Variants in RAP1A observed in about 807,000 individuals in gnomAD.
RAP1A encodes ras-related protein Rap-1A.
In RAP1A, 6 loss-of-function variants were observed where a neutral mutation model predicts 26.4. The ratio of observed to expected loss-of-function variants is 0.23; its 90% confidence interval spans 0.12 to 0.45. The LOEUF (loss-of-function observed/expected upper bound fraction) is 0.45, where lower values mean the gene tolerates loss of function less well. Among genes scored for constraint, RAP1A ranks in the 20% least tolerant of loss-of-function variants. The pLI is 0.99. For synonymous variants in RAP1A, 73 were observed against 79.4 expected, an observed-to-expected ratio of 0.92 and a Z score of 0.43; for missense variants, 121 against 217.2, an observed-to-expected ratio of 0.56 and a Z score of 2.78.
At chr1:111,623,589 TTAGTA>T (rs1659290915) in intron 1 of RAP1A, among the ~76,000 whole-genome samples, 1 of 152,108 alleles carries the variant, frequency 6.6e-6, no homozygotes, top group Non-Finnish European at 1.5e-5. Flanking sequence ...GTATTTTTTT[TTAGTA>T]GAGAGAGAGT....
chr1:111,650,037 T>G (rs1251142975), intron 1 of RAP1A, among the ~76,000 whole-genome samples: 1 of 151,956 alleles, frequency 6.6e-6, no homozygotes, highest in East Asian at 1.9e-4. Flanking sequence ...AACTTGGTTT[T>G]GATTTAGAAT....
At position 111,716,655 on chromosome 1, in the gene RAP1A, C is replaced by T. The variant is rs1662548997; in HGVS notation, c.*4254C>T. On this transcript the variant is annotated 3_prime_UTR_variant, in exon 8 of 8. Coordinates refer to ENST00000369709, the MANE Select transcript of RAP1A (RefSeq NM_002884.4). ...AAGAAGCAAGAGATTGGCTGTTCCT[C>T]TTGAGGAAAAACCTTAATAAACCTT... 6.6e-6 allele frequency: 1 copy of T among 152,230 alleles called. No individual in the cohort carries two copies. Among genetic ancestry groups the T allele is most frequent in the African/African-American group, 2.4e-5 (1 of 41,460 alleles). 9.4% of individuals were successfully genotyped at this position (152,230 alleles called of 1,614,324 possible). A position where few individuals can be genotyped will look rare whatever the true frequency, so the allele number is the denominator to read the frequency against.
At chr1:111,642,889 CCT>C (rs1397010207) in intron 1 of RAP1A, among the ~76,000 whole-genome samples, 1 of 151,112 alleles carries the variant, frequency 6.6e-6, no homozygotes, top group African/African-American at 2.4e-5. Context: ...CCTGCCTCAG[CCT>C]CCCGGGTAGC....
At chr1:111,584,613 T>TG (rs1465101183) in intron 1 of RAP1A, among the ~76,000 whole-genome samples, 1 of 152,098 alleles carries the variant, frequency 6.6e-6, no homozygotes, top group African/African-American at 2.4e-5. Flanking sequence ...CATATGCATG[T>TG]GGGGGGACAC....
At position 111,715,609 on chromosome 1, in the gene RAP1A, C is replaced by G. The variant is rs932469834; in HGVS notation, c.*3208C>G. The G allele has an allele frequency of 2.0e-5, 3 of 152,182 alleles. No individual in the cohort carries two copies. Among genetic ancestry groups the G allele is most frequent in the Non-Finnish European group, 2.9e-5 (2 of 68,028 alleles). 9.4% of individuals were successfully genotyped at this position (152,182 alleles called of 1,614,324 possible). ...AAAATATGGATGTTGGTGTGTTACTCTCTTCTCCCTACAACTCTGAACTAA... is the reference window on the plus strand; with the variant it reads ...AAAATATGGATGTTGGTGTGTTACTGTCTTCTCCCTACAACTCTGAACTAA... On this transcript the variant is annotated 3_prime_UTR_variant, in exon 8 of 8. Coordinates refer to ENST00000369709, the MANE Select transcript of RAP1A (RefSeq NM_002884.4).
rs538207569 is a variant in RAP1A, at chr1:111,550,833, T to C, written c.-28+8324T>C. ...ATGTGGTCAGAGAACATATTTTATG[T>C]AATTTCAACATTTTAAAATTTATTC... On this transcript the variant is annotated intron_variant, in intron 1 of 7. Coordinates refer to the RAP1A transcript ENST00000356415. 2.0e-5 allele frequency among the ~76,000 whole-genome samples: 3 copies of C among 152,368 alleles called. No homozygotes were observed. In the East Asian group the frequency reaches 5.8e-4, roughly 29 times the overall value.
At chr1:111,580,091 C>T (rs777050372) in intron 1 of RAP1A, among the ~76,000 whole-genome samples, 26 of 152,242 alleles carry the variant, frequency 1.7e-4, no homozygotes, top group Non-Finnish European at 2.9e-4. Flanking sequence ...ACACTGCTCC[C>T]GGCTGCCTGT....
chr1:111,678,847 A>ATTTCCTACAT, intron 1 of RAP1A, among the ~76,000 whole-genome samples: 1 of 151,844 alleles, frequency 6.6e-6, no homozygotes, highest in East Asian at 1.9e-4. Flanking sequence ...ATTCCTTAAG[A>ATTTCCTACAT]TTTCCTACAT....
chr1:111,670,534 GGTTAGAAAAACATTAGAATAAACTAAA>G (rs1315774226), intron 1 of RAP1A, among the ~76,000 whole-genome samples: 1 of 151,712 alleles, frequency 6.6e-6, no homozygotes, highest in Admixed American at 6.6e-5. Context: ...ATCCAACTTA[GGTTAGAAAAACATTAGAATAAACTAAA>G]GAAAGGAAAT....
chr1:111,558,177 A>AT (rs1657579832), intron 1 of RAP1A, among the ~76,000 whole-genome samples: 1 of 151,864 alleles, frequency 6.6e-6, no homozygotes, highest in African/African-American at 2.4e-5. Context: ...CAATATGGAA[A>AT]TTTTTTTCTT....
chr1:111,562,290 T>C (rs949340222), intron 1 of RAP1A, among the ~76,000 whole-genome samples: 2 of 152,226 alleles, frequency 1.3e-5, no homozygotes, highest in African/African-American at 2.4e-5. Flanking sequence ...AGTATTTCAA[T>C]ACAGTTATGT....
chr1:111,600,343 A>G (rs1557861871), intron 1 of RAP1A, among the ~76,000 whole-genome samples: 1 of 152,242 alleles, frequency 6.6e-6, no homozygotes, highest in Non-Finnish European at 1.5e-5. Flanking sequence ...TAGATATTCT[A>G]CCATCTCTAG....
At chr1:111,657,061 C>T (rs1469262501) in intron 1 of RAP1A, among the ~76,000 whole-genome samples, 2 of 151,724 alleles carry the variant, frequency 1.3e-5, no homozygotes, top group African/African-American at 4.8e-5. Context: ...TTTTTTACTA[C>T]AATAGGTACT....
intron 1 of RAP1A, among the ~76,000 whole-genome samples, chr1:111,647,113 T>TA (rs979549658): frequency 2.0e-5 from 3 of 152,128 alleles, no homozygotes; most frequent in African/African-American, 7.2e-5. Context: ...CAGCAGGAGG[T>TA]AAGCAGCGTT....
At chr1:111,695,625 TA>T (rs1352081437) in intron 3 of RAP1A, among the ~76,000 whole-genome samples, 21 of 152,234 alleles carry the variant, frequency 1.4e-4, no homozygotes, top group African/African-American at 5.1e-4. Context: ...ACTTGTTCCT[TA>T]ATGTGGACAT....
rs71099920 is a variant in RAP1A at position 111,583,876 on chromosome 1, C to CT, written c.-28+41389dup. Among the ~76,000 whole-genome samples, 887 of 90,040 alleles carry CT rather than the reference C, an allele frequency of 9.9e-3. 15 individuals carry two copies. Among genetic ancestry groups the CT allele is most frequent in the African/African-American group, 0.028 (747 of 26,230 alleles). The allele number at this position is 90,040 out of a possible 152,430, so 59.1% of individuals were successfully genotyped here. ...ACAACTGTCTATACAATTGTTATTT[C>CT]TTTTTTTTTTTTTTTTTTTTTTGAG... On this transcript the variant is annotated intron_variant, in intron 1 of 7. Transcript: ENST00000356415.
chr1:111,685,252 A>G (rs910672656), intron 1 of RAP1A, among the ~76,000 whole-genome samples: 4 of 152,232 alleles, frequency 2.6e-5, no homozygotes, highest in African/African-American at 9.6e-5. Flanking sequence ...AGCAATGGCA[A>G]CGAAAGCCAA....
At chr1:111,680,080 T>C (rs534888) in intron 1 of RAP1A, among the ~76,000 whole-genome samples, 72,467 of 151,932 alleles carry the variant, frequency 0.48, 17,563 homozygotes, top group African/African-American at 0.55. Flanking sequence ...CCCTGATCCC[T>C]GTGCCTCCTG....
chr1:111,701,218 A>G (rs527968485), intron 4 of RAP1A, among the ~76,000 whole-genome samples: 5 of 152,104 alleles, frequency 3.3e-5, no homozygotes, highest in Non-Finnish European at 7.4e-5. Flanking sequence ...CAATGTTTCA[A>G]TGAATCCAGC....
Sources: allele counts gnomAD v4.1 joint callset (sites outside exome capture counted in the v4.1 genomes callset), GRCh38; gene constraint gnomAD v4.1.1; transcripts MANE v1.5; gene names NCBI Gene and HGNC (gene_info 2026-07-23, HGNC 2026-07-21).